SLC45A4: variants seen among roughly 807,000 people sequenced by gnomAD.
SLC45A4 encodes polyamine-transporter SLC45A4.
SLC45A4 carries 32 observed loss-of-function variants against 63.7 expected under a neutral mutation model. That is an observed-to-expected ratio of 0.50 (90% CI 0.38 to 0.67). The LOEUF (loss-of-function observed/expected upper bound fraction) is 0.67, where lower values mean the gene tolerates loss of function less well. SLC45A4 is among the 30% of genes least tolerant of loss of function. The pLI, the probability that SLC45A4 is intolerant of heterozygous loss-of-function variation, is 0.00. For missense variants in SLC45A4, 1,027 were observed against 1,157.7 expected (o/e 0.89, Z 1.64); for synonymous variants, 535 against 510.0 (o/e 1.05, Z -0.66).
chr8:141,275,062 C>T (rs1829681035), intron 1 of SLC45A4, among the ~76,000 whole-genome samples: 1 of 152,354 alleles, frequency 6.6e-6, no homozygotes, highest in East Asian at 1.9e-4. Flanking sequence ...CAGGAGCCAG[C>T]TCTGAATTCC....
rs146087696 is a variant in SLC45A4 at position 141,218,316 on chromosome 8, G to A, written c.1324C>T (p.Arg442Cys). 4.4e-6 allele frequency: 7 copies of A among 1,606,864 alleles called. No homozygotes were observed. The highest frequency in any genetic ancestry group is 1.1e-5 in the South Asian group (1 of 91,084). The change falls in exon 5 of 9, where the codon CGC becomes TGC. Residue 442 changes from arginine (R) to cysteine (C), a missense_variant. Physicochemically the swap from Arg to Cys is radical, Grantham distance 180 (BLOSUM62 -3). Coordinates refer to ENST00000517878, the MANE Select transcript of SLC45A4 (RefSeq NM_001286646.2). ...KLGSHCYRYR[R>C]ANAVVLIKPS... Reference sequence around the variant, plus strand: ...TTGATCAGCACCACGGCGTTGGCGCGCCGGTAGCGGTAGCAGTGGGACCCA... The same window carrying A: ...TTGATCAGCACCACGGCGTTGGCGCACCGGTAGCGGTAGCAGTGGGACCCA...
Position 141,256,648 on chromosome 8 carries a change from A to G in SLC45A4, c.-400-2019T>C. 1 of 456,198 alleles carries G rather than the reference A, an allele frequency of 2.2e-6. No individual in the cohort carries two copies. The highest frequency in any genetic ancestry group is 4.4e-6 in the Non-Finnish European group (1 of 226,908). 28.3% of individuals were successfully genotyped at this position (456,198 alleles called of 1,614,324 possible). ...CGCTGCAGCGGAAACCAGAATGCCTACTAATTCCTTAAGAACCAAAGGTTC... is the reference window on the plus strand; with the variant it reads ...CGCTGCAGCGGAAACCAGAATGCCTGCTAATTCCTTAAGAACCAAAGGTTC... On this transcript the variant is annotated intron_variant, in intron 1 of 8. Coordinates refer to ENST00000517878, the MANE Select transcript of SLC45A4 (RefSeq NM_001286646.2). The surrounding 1 kb of genome is among the most constrained non-coding windows in gnomAD (Gnocchi z 4.3).
At chr8:141,263,458 A>T (rs1010338678) in intron 1 of SLC45A4, among the ~76,000 whole-genome samples, 8 of 152,028 alleles carry the variant, frequency 5.3e-5, no homozygotes. Flanking sequence ...ATAAAGTTTA[A>T]GTGTTTACTT....
chr8:141,219,725 T>C lies in SLC45A4; in HGVS notation c.535A>G (p.Ile179Val). ...ACCACGTCCAGCAGATAGGCACGGA[T>C]GGGCCCCTCGGTGGCATCGGCGCTG... is the stretch of plus-strand genomic sequence containing the variant. ...DFSADATEGP[I>V]RAYLLDVVDS... The change falls in exon 4 of 9, where the codon ATC (isoleucine) becomes GTC (valine). Residue 179 changes from isoleucine to valine, a missense_variant. Coordinates refer to ENST00000517878, the MANE Select transcript of SLC45A4 (RefSeq NM_001286646.2). 6.2e-7 allele frequency: 1 copy of C among 1,610,090 alleles called. No individual in the cohort carries two copies. Among genetic ancestry groups the C allele is most frequent in the South Asian group, 1.1e-5 (1 of 90,272 alleles).
chr8:141,254,206 G>A lies in SLC45A4; in HGVS notation c.24C>T (p.Ala8=), dbSNP rs756680639. The A allele has an allele frequency of 2.0e-5, 31 of 1,534,386 alleles. No homozygotes were observed. The South Asian group carries it at 2.5e-4, about 12-fold the overall frequency. Residue 8 remains alanine (A), a synonymous_variant, in exon 2 of 9, where the codon GCC becomes GCT. Transcript: ENST00000517878. The surrounding 1 kb of genome is among the most constrained non-coding windows in gnomAD (Gnocchi z 4.5). ...CTTGAACTTGCATAGATTCCGGGTC[G>A]GCATTCTGCGGAGCCATTTTCATTA... MKMAPQN[A]DPESMQVQEL...
chr8:141,298,754 G>A (rs1040789894), intron 1 of SLC45A4, among the ~76,000 whole-genome samples: 4 of 152,178 alleles, frequency 2.6e-5, no homozygotes, highest in South Asian at 2.1e-4. Flanking sequence ...AGCATGCTGC[G>A]TGGGCCAACA....
chr8:141,253,639 C>A (rs1828628184), intron 2 of SLC45A4, among the ~76,000 whole-genome samples: 1 of 152,216 alleles, frequency 6.6e-6, no homozygotes, highest in Admixed American at 6.5e-5. Flanking sequence ...GTGCTGGCGA[C>A]CCTGCCCTTT....
chr8:141,277,217 C>T (rs905470437), intron 1 of SLC45A4, among the ~76,000 whole-genome samples: 2 of 152,256 alleles, frequency 1.3e-5, no homozygotes, highest in African/African-American at 4.8e-5. Flanking sequence ...CACTGGTGAA[C>T]TTCATCAGAA....
In SLC45A4 at chr8:141,207,826, G is replaced by A. The variant is rs978329859; in HGVS notation, c.*3746C>T. On this transcript the variant is annotated 3_prime_UTR_variant, in exon 9 of 9. Transcript: ENST00000517878. ...GTGATGGCTGGCTTTGCATGAGGAG[G>A]TGACAAGAACTTTGGGCTGGGCCCC... is the stretch of plus-strand genomic sequence containing the variant. 7.2e-5 allele frequency: 11 copies of A among 152,420 alleles called. No homozygotes were observed. Among genetic ancestry groups the A allele is most frequent in the Admixed American group, 3.3e-4 (5 of 15,292 alleles). The allele number at this position is 152,420 out of a possible 1,614,324, so 9.4% of individuals were successfully genotyped here.
chr8:141,262,945 C>G (rs1248321864), intron 1 of SLC45A4, among the ~76,000 whole-genome samples: 29 of 151,104 alleles, frequency 1.9e-4, no homozygotes, highest in South Asian at 1.5e-3. Flanking sequence ...TTCACAATAG[C>G]AAAGACTTGG....
intron 1 of SLC45A4, among the ~76,000 whole-genome samples, chr8:141,269,406 GCGGCAGAGGGGAGT>G (rs147038798): frequency 0.025 from 3,759 of 152,282 alleles, 67 homozygotes; most frequent in Middle Eastern, 0.065. Flanking sequence ...TGAATCTGCA[GCGGCAGAGGGGAGT>G]GGGCAGAGGC....
chr8:141,234,043 T>G (rs1334290662), intron 2 of SLC45A4, among the ~76,000 whole-genome samples: 6 of 152,360 alleles, frequency 3.9e-5, no homozygotes, highest in African/African-American at 2.4e-5. Context: ...TTATGAGAAC[T>G]GAGTCATCCT....
intron 7 of SLC45A4, among the ~76,000 whole-genome samples, chr8:141,212,811 G>C (rs188546735): frequency 8.2e-4 from 125 of 152,266 alleles, no homozygotes; most frequent in Non-Finnish European, 1.5e-3. Context: ...TCGGGACGTG[G>C]GCTTCCCAGG....
intron 1 of SLC45A4, among the ~76,000 whole-genome samples, chr8:141,264,888 G>A (rs1378285661): frequency 1.3e-5 from 2 of 152,176 alleles, no homozygotes; most frequent in Non-Finnish European, 2.9e-5. Flanking sequence ...CAGTGAGAAG[G>A]TACTACCCAG....
intron 8 of SLC45A4, chr8:141,211,950 T>C (rs771080605): frequency 1.0e-5 from 13 of 1,271,496 alleles, no homozygotes; most frequent in African/African-American, 3.1e-5. Flanking sequence ...AAAAAAAATA[T>C]TTCAAATGAT....
chr8:141,274,857 A>C (rs1326587331), intron 1 of SLC45A4, among the ~76,000 whole-genome samples: 1 of 152,176 alleles, frequency 6.6e-6, no homozygotes, highest in Non-Finnish European at 1.5e-5. Context: ...AAACCCTTCT[A>C]CTTCCTCGTG....
chr8:141,211,608 T>C lies in SLC45A4; in HGVS notation c.2391A>G (p.Arg797=), dbSNP rs1172414014. 1.2e-6 allele frequency: 2 copies of C among 1,612,606 alleles called. No homozygotes were observed. Residue 797 remains arginine, a synonymous_variant, in exon 9 of 9, where the codon AGA becomes AGG. Coordinates refer to ENST00000517878, the MANE Select transcript of SLC45A4 (RefSeq NM_001286646.2). Reference sequence around the variant, plus strand: ...ACATTGTGGAAAAGAAAATTTTTTTTCTAAAATAATCATAAAGAAAAATAC... The same window carrying C: ...ACATTGTGGAAAAGAAAATTTTTTTCCTAAAATAATCATAAAGAAAAATAC... ...LESIFLYDYF[R]KKIFFSTMWF...
intron 7 of SLC45A4, among the ~76,000 whole-genome samples, chr8:141,214,794 G>A (rs1182232599): frequency 6.6e-6 from 1 of 152,202 alleles, no homozygotes; most frequent in East Asian, 1.9e-4. Flanking sequence ...TTATGGCAAA[G>A]GTGGCACTGC....
chr8:141,293,886 T>C (rs371832594), intron 1 of SLC45A4, among the ~76,000 whole-genome samples: 1 of 149,576 alleles, frequency 6.7e-6, no homozygotes, highest in Non-Finnish European at 1.5e-5. Context: ...TGAGCCGAGA[T>C]AGTGTCGCTG....
Sources: gnomAD v4.1 joint callset for allele counts (sites outside exome capture counted in the v4.1 genomes callset) on GRCh38, gnomAD v4.1.1 for gene constraint, Gnocchi (gnomAD v3.1) non-coding constraint, MANE v1.5 for transcripts, NCBI Gene and HGNC (gene_info 2026-07-23, HGNC 2026-07-21) for gene names.